Variants in RAG2 observed in about 807,000 individuals in gnomAD.
The protein encoded by RAG2 is V(D)J recombination-activating protein 2.
A neutral mutation model predicts 31.8 loss-of-function variants in RAG2; 16 were observed. That is an observed-to-expected ratio of 0.50 (90% CI 0.34 to 0.76). RAG2 has a LOEUF of 0.76. Among genes scored for constraint, RAG2 ranks in the 30% least tolerant of loss-of-function variants. RAG2 has a pLI of 0.01. For synonymous variants in RAG2, 199 were observed against 215.9 expected (o/e 0.92, Z 0.68); for missense variants, 622 against 628.5 (o/e 0.99, Z 0.11).
chr11:36,596,222 G>GTTTTTTTTTTT (rs67282079), intron 1 of RAG2, among the ~76,000 whole-genome samples: 29 of 118,362 alleles, frequency 2.5e-4, no homozygotes, highest in African/African-American at 3.1e-4. Context: ...TTTTTTTTTT[G>GTTTTTTTTTTT]TTTTTTTTTT....
chr11:36,593,873 G>C lies in RAG2; in HGVS notation c.296C>G (p.Pro99Arg), dbSNP rs747968724. 12 of 1,614,164 alleles carry C rather than the reference G, an allele frequency of 7.4e-6. No individual in the cohort carries two copies. Among genetic ancestry groups the C allele is most frequent in the Non-Finnish European group, 1.0e-5 (12 of 1,180,032 alleles). The part of the protein sequence containing the change: ...HQYIIHGGKT[P>R]NNEVSDKIYV... The stretch of plus-strand genomic sequence containing the variant: ...AATCTTATCTGAAACCTCATTGTTT[G>C]GTGTTTTCCCTCCATGGATGATGTA... Residue 99 changes from proline to arginine, a missense_variant, in exon 2 of 2, where the codon CCA becomes CGA. By Grantham distance (103) the Pro-to-Arg change is moderately radical (BLOSUM62 -2). Transcript: ENST00000311485.
chr11:36,594,677 G>A (rs1851130677), intron 1 of RAG2: 1 of 162,410 alleles, frequency 6.2e-6, no homozygotes, highest in African/African-American at 2.4e-5. Flanking sequence ...CGTCCGGGTT[G>A]CCGGAAGGCT....
chr11:36,594,337 G>A (rs2133317252), intron 1 of RAG2, 142 bp from the exon 2 acceptor site: 1 of 649,762 alleles, frequency 1.5e-6, no homozygotes, highest in African/African-American at 1.8e-5. Flanking sequence ...CAAGGAGTTA[G>A]GTCAGTAAAG....
chr11:36,594,008 T>C lies in RAG2; in HGVS notation c.161A>G (p.His54Arg), dbSNP rs377416657. 4.3e-6 allele frequency: 7 copies of C among 1,614,060 alleles called. No individual in the cohort carries two copies. In the Admixed American group the frequency reaches 8.3e-5, roughly 19 times the overall value. Residue 54 changes from histidine to arginine, a missense_variant, in exon 2 of 2, where the codon CAT becomes CGT. His to Arg is a conservative substitution (Grantham distance 29). Coordinates refer to ENST00000311485, the MANE Select transcript of RAG2 (RefSeq NM_000536.4). ...GVFHLDVKHN[H>R]VKLKPTIFSK... The stretch of plus-strand genomic sequence containing the variant: ...GAAAATTGTAGGCTTCAGTTTGACA[T>C]GGTTATGCTTTACATCCAGATGGAA...
At chr11:36,597,078 C>T (rs1243184213) in intron 1 of RAG2, among the ~76,000 whole-genome samples, 1 of 152,158 alleles carries the variant, frequency 6.6e-6, no homozygotes, top group Non-Finnish European at 1.5e-5. Flanking sequence ...CCTCTTGTAA[C>T]ATGGTTCAAG....
intron 1 of RAG2, chr11:36,594,403 C>G: frequency 1.7e-6 from 1 of 575,514 alleles, no homozygotes; most frequent in Non-Finnish European, 3.1e-6. Context: ...GTTTTAGCCA[C>G]GGACTATATG....
Position 36,593,000 on chromosome 11 carries a change from G to T in RAG2, c.1169C>A (p.Ala390Glu), listed in dbSNP as rs1353738817. The change falls in exon 2 of 2, where the codon GCA becomes GAA. Residue 390 changes from alanine (A) to glutamate (E), a missense_variant. Transcript: ENST00000311485. ...TTCATCATCACCATCAAAACTATTT[G>T]CTTCTGCACTGAAACAAAATTCTTC... ...DSEEFCFSAEANSFDGDDEFD... is the reference protein window; with the variant it reads ...DSEEFCFSAEENSFDGDDEFD... 3 of 1,614,090 alleles carry T rather than the reference G, an allele frequency of 1.9e-6. No individual in the cohort carries two copies. Among genetic ancestry groups the T allele is most frequent in the Non-Finnish European group, 2.5e-6 (3 of 1,180,008 alleles).
In RAG2 at chr11:36,594,077, A is replaced by G. The variant is rs1851105495; in HGVS notation, c.92T>C (p.Phe31Ser). Residue 31 changes from phenylalanine (F) to serine (S), a missense_variant, in exon 2 of 2, where the codon TTT becomes TCT. Transcript: ENST00000311485. ...LMNFDGQVFF[F>S]GQKGWPKRSC... ...TCTTTTGGGCCAGCCTTTTTGTCCA[A>G]AGAAGAAAACTTGTCCATCAAAATT... 1 of 1,614,080 alleles carries G rather than the reference A, an allele frequency of 6.2e-7. No individual in the cohort carries two copies. Among genetic ancestry groups the G allele is most frequent in the Non-Finnish European group, 8.5e-7 (1 of 1,179,984 alleles).
Position 36,593,027 on chromosome 11 carries a change from G to C in RAG2, c.1142C>G (p.Ser381Cys). 6.2e-7 allele frequency: 1 copy of C among 1,614,172 alleles called. No homozygotes were observed. The highest frequency in any genetic ancestry group is 8.5e-7 in the Non-Finnish European group (1 of 1,180,030). Residue 381 changes from serine (S) to cysteine (C), a missense_variant, in exon 2 of 2, where the codon TCT becomes TGT. Transcript: ENST00000311485. ...TTCTGCACTGAAACAAAATTCTTCA[G>C]AGTCTTCAAAGGGAGTGGAATCCCC... ...DPGDSTPFED[S>C]EEFCFSAEAN...
chr11:36,596,446 C>T (rs538268610), intron 1 of RAG2, among the ~76,000 whole-genome samples: 171 of 152,244 alleles, frequency 1.1e-3, no homozygotes, highest in African/African-American at 3.9e-3. Flanking sequence ...GTATATTCAG[C>T]AAACTGCCCT....
chr11:36,597,488 A>G (rs1285536698), intron 1 of RAG2, among the ~76,000 whole-genome samples: 2 of 152,222 alleles, frequency 1.3e-5, no homozygotes, highest in Admixed American at 6.5e-5. Context: ...ATAAATATAT[A>G]CAATTTTCCC....
chr11:36,596,062 G>A (rs1851217232), intron 1 of RAG2, among the ~76,000 whole-genome samples: 1 of 152,174 alleles, frequency 6.6e-6, no homozygotes, highest in Non-Finnish European at 1.5e-5. Flanking sequence ...AAATGGGATA[G>A]CACGTGTAAA....
downstream of RAG2, among the ~76,000 whole-genome samples, chr11:36,591,372 T>G (rs1564994515): frequency 6.6e-6 from 1 of 151,094 alleles, no homozygotes. Context: ...ACTGTAACTG[T>G]GGCTGAAGCT....
rs763291155 is a variant in RAG2 at position 36,593,487 on chromosome 11, T to C, written c.682A>G (p.Ile228Val). ...ILGGHSLANNIRPANLYRIRV... is the reference protein window; with the variant it reads ...ILGGHSLANNVRPANLYRIRV... ...ATTCTGTACAGGTTGGCAGGCCGGA[T>C]ATTATTGGCAAGTGAATGTCCTCCT... is the stretch of plus-strand genomic sequence containing the variant. Residue 228 changes from isoleucine (I) to valine (V), a missense_variant, in exon 2 of 2, where the codon ATC (isoleucine) becomes GTC (valine). By Grantham distance (29) the Ile-to-Val change is conservative. Coordinates refer to ENST00000311485, the MANE Select transcript of RAG2 (RefSeq NM_000536.4). 6.2e-7 allele frequency: 1 copy of C among 1,614,080 alleles called. No homozygotes were observed. Among genetic ancestry groups the C allele is most frequent in the Non-Finnish European group, 8.5e-7 (1 of 1,180,050 alleles).
At chr11:36,591,124 C>A (rs1403785988), downstream of RAG2, among the ~76,000 whole-genome samples, 1 of 151,930 alleles carries the variant, frequency 6.6e-6, no homozygotes, top group Non-Finnish European at 1.5e-5. Flanking sequence ...ATGGAAACAA[C>A]AAAAGATCAA....
chr11:36,594,251 T>C, intron 1 of RAG2, 56 bp from the exon 2 acceptor site: 1 of 1,137,244 alleles, frequency 8.8e-7, no homozygotes, highest in East Asian at 2.4e-5. Flanking sequence ...ATCATCGTAT[T>C]TAGATTCCTT....
chr11:36,594,315 ATGAGG>A, intron 1 of RAG2, 120 bp from the exon 2 acceptor site: 1 of 703,282 alleles, frequency 1.4e-6, no homozygotes, highest in South Asian at 1.7e-5. Context: ...GTGGGACTGA[ATGAGG>A]AAAATCCAAG....
In RAG2 at chr11:36,592,748, T is replaced by C. The variant is rs757913323; in HGVS notation, c.1421A>G (p.Asn474Ser). The change falls in exon 2 of 2, where the codon AAC becomes AGC. Residue 474 changes from asparagine to serine, a missense_variant. By Grantham distance (46) the Asn-to-Ser change is conservative (BLOSUM62 1). Coordinates refer to ENST00000311485, the MANE Select transcript of RAG2 (RefSeq NM_000536.4). ...RTLIHLSAGS[N>S]KYYCNEHVEI... ...CACATGCTCATTGCAGTAATACTTG[T>C]TGCTTCCTGCTGACAGATGGATGAG... 15 of 1,614,004 alleles carry C rather than the reference T, an allele frequency of 9.3e-6. No homozygotes were observed. Among genetic ancestry groups the C allele is most frequent in the South Asian group, 2.2e-5 (2 of 91,082 alleles).
chr11:36,596,560 CTA>C (rs1313909047), intron 1 of RAG2, among the ~76,000 whole-genome samples: 1 of 152,166 alleles, frequency 6.6e-6, no homozygotes, highest in Non-Finnish European at 1.5e-5. Context: ...TTCATAGAAA[CTA>C]AAAGGAGACA....
Sources: gnomAD v4.1 joint callset for allele counts (sites outside exome capture counted in the v4.1 genomes callset) on GRCh38, gnomAD v4.1.1 for gene constraint, MANE v1.5 for transcripts, NCBI Gene and HGNC (gene_info 2026-07-23, HGNC 2026-07-21) for gene names.